MEAK7: variants seen among roughly 807,000 people sequenced by gnomAD.
MEAK7 encodes the protein MTOR associated protein MEAK7, also known as MTOR-associated protein MEAK7.
In MEAK7, 68 loss-of-function variants were observed where a neutral mutation model predicts 40.5. That is an observed-to-expected ratio of 1.68 (90% CI 1.38 to 2.06). The LOEUF (loss-of-function observed/expected upper bound fraction) is 2.06. Among genes scored for constraint, MEAK7 ranks in the 30% most tolerant of loss-of-function variants. MEAK7 has a pLI of 0.00. For missense variants in MEAK7, 918 were observed against 580.5 expected, an observed-to-expected ratio of 1.58 and a Z score of -5.98; for synonymous variants, 338 against 231.9, an observed-to-expected ratio of 1.46 and a Z score of -4.16.
chr16:84,497,304 C>T (rs1037954651), intron 2 of MEAK7: 12 of 799,790 alleles, frequency 1.5e-5, no homozygotes, highest in South Asian at 1.0e-4. Flanking sequence ...CCCCATGGAA[C>T]GGGGAAAAAC....
At chr16:84,487,149 G>T in intron 4 of MEAK7, 90 bp from the exon 5 acceptor site, 1 of 1,288,418 alleles carries the variant, frequency 7.8e-7, no homozygotes, top group Non-Finnish European at 1.0e-6. Flanking sequence ...TGGGAGCCAC[G>T]AGTCACATGC....
At chr16:84,488,924 A>C (rs566409842) in intron 4 of MEAK7, among the ~76,000 whole-genome samples, 1 of 152,326 alleles carries the variant, frequency 6.6e-6, no homozygotes, top group Admixed American at 6.5e-5. Flanking sequence ...AAGGAAGAAA[A>C]TAAAAGCTAG....
At position 84,489,303 on chromosome 16, in the gene MEAK7, C is replaced by G; in HGVS notation, c.504G>C (p.Gln168His). 6.2e-7 allele frequency: 1 copy of G among 1,614,146 alleles called. No homozygotes were observed. Among genetic ancestry groups the G allele is most frequent in the Non-Finnish European group, 8.5e-7 (1 of 1,180,002 alleles). ...CTTGCAGCTTCATGTCAGAGAGCAG[C>G]TGAGCAGCCAGCACCTGCACCCGGG... is the stretch of plus-strand genomic sequence containing the variant. ...PNPRVQVLAA[Q>H]LLSDMKLQDG... The change falls in exon 4 of 8, where the codon CAG (glutamine) becomes CAC (histidine). Residue 168 changes from glutamine to histidine, a missense_variant. Coordinates refer to ENST00000343629, the MANE Select transcript of MEAK7 (RefSeq NM_020947.4).
At position 84,486,663 on chromosome 16, in the gene MEAK7, G is replaced by A. The variant is rs149703863; in HGVS notation, c.926C>T (p.Ser309Phe). 2.5e-6 allele frequency: 4 copies of A among 1,612,352 alleles called. No individual in the cohort carries two copies. Among genetic ancestry groups the A allele is most frequent in the Non-Finnish European group, 2.5e-6 (3 of 1,179,334 alleles). Residue 309 changes from serine to phenylalanine, a missense_variant, in exon 5 of 8, where the codon TCT (serine) becomes TTT (phenylalanine). Coordinates refer to ENST00000343629, the MANE Select transcript of MEAK7 (RefSeq NM_020947.4). ...HDKHVFGGFA[S>F]CSWEVKPQFQ... ...CTGAGGCTTCACCTCCCAAGAGCAA[G>A]AGGCAAACCCACCGAACACATGCTT...
chr16:84,480,811 CAG>C (rs1912472325), intron 6 of MEAK7, 103 bp from the exon 7 acceptor site: 4 of 1,328,968 alleles, frequency 3.0e-6, no homozygotes, highest in East Asian at 5.2e-5. Context: ...CAGCCTGAGA[CAG>C]GGGCGGGTGA....
Position 84,482,651 on chromosome 16 carries a change from C to G in MEAK7, c.1018G>C (p.Gly340Arg). The G allele has an allele frequency of 6.2e-7, 1 of 1,614,178 alleles. No homozygotes were observed. Among genetic ancestry groups the G allele is most frequent in the Non-Finnish European group, 8.5e-7 (1 of 1,180,038 alleles). The change falls in exon 6 of 8, where the codon GGC (glycine) becomes CGC (arginine). Residue 340 changes from glycine (G) to arginine (R), a missense_variant. By Grantham distance (125) the Gly-to-Arg change is moderately radical. Transcript: ENST00000343629. ...CPSMAVYTHT[G>R]YNDHYMYLNH... The stretch of plus-strand genomic sequence containing the variant: ...AAGTACATGTAGTGGTCGTTGTAGC[C>G]CGTGTGTGTGTACACAGCCATGCTG...
chr16:84,489,160 A>C, intron 4 of MEAK7, 118 bp downstream of exon 4: 1 of 1,304,232 alleles, frequency 7.7e-7, no homozygotes, highest in Non-Finnish European at 1.0e-6. Flanking sequence ...AACCTAGAAG[A>C]AGGTTCGAGG....
intron 5 of MEAK7, among the ~76,000 whole-genome samples, chr16:84,483,844 G>A (rs970727746): frequency 6.6e-6 from 1 of 152,184 alleles, no homozygotes; most frequent in Admixed American, 6.5e-5. Context: ...GGACAGGTAC[G>A]GAACAGTGGG....
At chr16:84,496,381 C>T (rs917129744) in intron 2 of MEAK7, among the ~76,000 whole-genome samples, 12 of 152,170 alleles carry the variant, frequency 7.9e-5, no homozygotes, top group East Asian at 5.8e-4. Flanking sequence ...TGGTGTCCAC[C>T]GCACTTGAGG....
At chr16:84,491,226 G>A (rs1377155981) in intron 3 of MEAK7, among the ~76,000 whole-genome samples, 1 of 151,624 alleles carries the variant, frequency 6.6e-6, no homozygotes, top group Non-Finnish European at 1.5e-5. Flanking sequence ...GATTACTTGA[G>A]GTCAGGAGTT....
chr16:84,498,628 A>C (rs1380677857), intron 1 of MEAK7, among the ~76,000 whole-genome samples: 1 of 152,120 alleles, frequency 6.6e-6, no homozygotes, highest in African/African-American at 2.4e-5. Flanking sequence ...AAGCTGGAAA[A>C]GCCCATCGTG....
chr16:84,503,765 G>C (rs572104868), intron 1 of MEAK7, among the ~76,000 whole-genome samples: 1 of 152,106 alleles, frequency 6.6e-6, no homozygotes, highest in Non-Finnish European at 1.5e-5. Context: ...TGATGGAGGG[G>C]TGGACAGGGA....
chr16:84,492,437 G>A (rs1203858850), intron 3 of MEAK7, among the ~76,000 whole-genome samples: 1 of 151,640 alleles, frequency 6.6e-6, no homozygotes, highest in African/African-American at 2.4e-5. Context: ...TTATTGTTTG[G>A]GAAATTAAGT....
At chr16:84,496,092 T>G (rs893187494) in intron 2 of MEAK7, among the ~76,000 whole-genome samples, 179 bp from the exon 3 acceptor site, 1 of 152,204 alleles carries the variant, frequency 6.6e-6, no homozygotes, top group Non-Finnish European at 1.5e-5. Context: ...GCCGGAAACT[T>G]TGATATGCAA....
Position 84,495,814 on chromosome 16 carries a change from T to C in MEAK7, c.253A>G (p.Asn85Asp). ...GCTGTGAACTGCTCCTGGGACACGT[T>C]CTCACTGGGTCCCTTCGCCTTCCCT... ...LTGKAKGPSENVSQEQFTASM... is the reference protein window; with the variant it reads ...LTGKAKGPSEDVSQEQFTASM... The change falls in exon 3 of 8, where the codon AAC (asparagine) becomes GAC (aspartate). Residue 85 changes from asparagine to aspartate, a missense_variant. Transcript: ENST00000343629. The C allele has an allele frequency of 6.2e-7, 1 of 1,614,108 alleles. No individual in the cohort carries two copies.
intron 1 of MEAK7, 23 bp downstream of exon 1, chr16:84,504,578 C>T (rs879797413): frequency 8.1e-6 from 8 of 985,446 alleles, no homozygotes; most frequent in Non-Finnish European, 9.6e-6. Flanking sequence ...CAGCTCACTG[C>T]GAACCTCAGC....
In MEAK7 at chr16:84,499,111, A is replaced by T. The variant is rs1914290474; in HGVS notation, c.-25-1000T>A. Among the ~76,000 whole-genome samples, 3 of 152,236 alleles carry T rather than the reference A, an allele frequency of 2.0e-5. No individual in the cohort carries two copies. In the South Asian group the frequency reaches 6.2e-4, roughly 31 times the overall value. On this transcript the variant is annotated intron_variant, in intron 1 of 7. Transcript: ENST00000343629. ...TGTTTGAGGCGCTGGGGTAGCGTTA[A>T]CAGAGACTGGCACCAAGAGCAGGTG... is the stretch of plus-strand genomic sequence containing the variant.
intron 5 of MEAK7, among the ~76,000 whole-genome samples, chr16:84,485,799 A>G (rs1182070897): frequency 6.6e-6 from 1 of 152,154 alleles, no homozygotes; most frequent in African/African-American, 2.4e-5. Context: ...CTCATGCCTC[A>G]GCCTCCCACG....
intron 4 of MEAK7, 53 bp from the exon 5 acceptor site, chr16:84,487,112 T>C (rs1913158072): frequency 1.9e-6 from 3 of 1,547,412 alleles, no homozygotes; most frequent in Admixed American, 1.9e-5. Context: ...ACCATTTAGC[T>C]ACTATCTAAA....
Sources: gnomAD v4.1 joint callset for allele counts (sites outside exome capture counted in the v4.1 genomes callset) on GRCh38, gnomAD v4.1.1 for gene constraint, MANE v1.5 for transcripts, NCBI Gene and HGNC (gene_info 2026-07-23, HGNC 2026-07-21) for gene names.